The following SOS2 variants were observed in gnomAD, a reference collection of about 807,000 sequenced individuals.
SOS2 encodes the protein SOS Ras/Rho guanine nucleotide exchange factor 2.
In SOS2, 65 loss-of-function variants were observed where a neutral mutation model predicts 148.2. That is an observed-to-expected ratio of 0.44 (90% CI 0.36 to 0.54). The LOEUF (loss-of-function observed/expected upper bound fraction) is 0.54, where lower values mean the gene tolerates loss of function less well. Among genes scored for constraint, SOS2 ranks in the 20% least tolerant of loss-of-function variants. SOS2 has a pLI of 0.00. For missense variants in SOS2, 1,341 were observed against 1,590.2 expected (o/e 0.84, Z 2.67); for synonymous variants, 539 against 537.1 (o/e 1.00, Z -0.05).
chr14:50,165,456 C>A, intron 8 of SOS2, among the ~76,000 whole-genome samples: 1 of 152,110 alleles, frequency 6.6e-6, no homozygotes, highest in Middle Eastern at 3.2e-3. Flanking sequence ...ATACCCAAAA[C>A]CATTATGTAT....
intron 1 of SOS2, among the ~76,000 whole-genome samples, chr14:50,209,783 C>T (rs1886807020): frequency 6.6e-6 from 1 of 151,544 alleles, no homozygotes; most frequent in Admixed American, 6.6e-5. Flanking sequence ...ATAGCATTTA[C>T]AGTAGAATTT....
Position 50,145,260 on chromosome 14 carries a change from A to G in SOS2, c.2577T>C (p.Val859=). ...CATTGAAATTATTCAAATCTTGAAA[A>G]ACTTGCAGAATTTCTATAATTCTAC... ...VLSRIIEILQ[V]FQDLNNFNGV... The change falls in exon 16 of 23, where the codon GTT becomes GTC. Residue 859 remains valine, a synonymous_variant. Coordinates refer to ENST00000216373, the MANE Select transcript of SOS2 (RefSeq NM_006939.4). 2.5e-6 allele frequency: 4 copies of G among 1,612,666 alleles called. No homozygotes were observed. Among genetic ancestry groups the G allele is most frequent in the Non-Finnish European group, 3.4e-6 (4 of 1,179,288 alleles).
chr14:50,144,674 G>T (rs1051457714), intron 16 of SOS2, among the ~76,000 whole-genome samples: 1 of 152,094 alleles, frequency 6.6e-6, no homozygotes, highest in Non-Finnish European at 1.5e-5. Context: ...CTGAGCTCAG[G>T]TGATCGACCC....
At chr14:50,127,242 A>G (rs987421720) in intron 21 of SOS2, among the ~76,000 whole-genome samples, 3 of 151,250 alleles carry the variant, frequency 2.0e-5, no homozygotes. Flanking sequence ...CCCGGGTTCA[A>G]GCAATTCTCC....
intron 7 of SOS2, among the ~76,000 whole-genome samples, chr14:50,179,785 T>TA (rs1291203489): frequency 1.3e-5 from 2 of 152,196 alleles, no homozygotes; most frequent in Non-Finnish European, 2.9e-5. Context: ...TCTCTCCACT[T>TA]ATTTTCATTT....
intron 4 of SOS2, among the ~76,000 whole-genome samples, chr14:50,191,698 T>TTA (rs1186622784): frequency 6.6e-6 from 1 of 152,076 alleles, no homozygotes; most frequent in African/African-American, 2.4e-5. Context: ...ACAGTGGGGA[T>TTA]TATGGTAAAC....
chr14:50,174,517 A>G lies in SOS2; in HGVS notation c.1005T>C (p.Tyr335=), dbSNP rs753698896. The change falls in exon 8 of 23, where the codon TAT becomes TAC. Residue 335 remains tyrosine, a synonymous_variant. Transcript: ENST00000216373. ...IADGFKEAVR[Y]VLPRLMLVPV... ...GCACCAGCATAAGACGTGGAAGGAC[A>G]TAACGAACTGCCTCTTTAAAACCAT... The G allele has an allele frequency of 2.0e-5, 33 of 1,609,978 alleles. No individual in the cohort carries two copies. Among genetic ancestry groups the G allele is most frequent in the Admixed American group, 5.0e-5 (3 of 59,912 alleles).
chr14:50,174,233 G>A (rs1307891622), intron 8 of SOS2, among the ~76,000 whole-genome samples: 1 of 151,910 alleles, frequency 6.6e-6, no homozygotes, highest in Non-Finnish European at 1.5e-5. Flanking sequence ...AGCTAAGAGA[G>A]GAAGAATACA....
intron 13 of SOS2, among the ~76,000 whole-genome samples, chr14:50,151,824 A>C (rs1269073566): frequency 1.3e-5 from 2 of 152,116 alleles, no homozygotes; most frequent in Non-Finnish European, 2.9e-5. Flanking sequence ...TGGGCTTAAA[A>C]GTGATCGCTT....
At chr14:50,202,806 G>A (rs1886536620) in intron 2 of SOS2, among the ~76,000 whole-genome samples, 1 of 151,838 alleles carries the variant, frequency 6.6e-6, no homozygotes. Flanking sequence ...TTAATTCCAA[G>A]AATCCTGGAA....
At chr14:50,192,313 T>A (rs1358807216) in intron 4 of SOS2, among the ~76,000 whole-genome samples, 1 of 152,018 alleles carries the variant, frequency 6.6e-6, no homozygotes, top group African/African-American at 2.4e-5. Flanking sequence ...CCCAGAACTT[T>A]AGAGGCCAAG....
At chr14:50,159,202 T>A (rs1039159335) in intron 10 of SOS2, among the ~76,000 whole-genome samples, 11 of 151,646 alleles carry the variant, frequency 7.3e-5, no homozygotes, top group Admixed American at 3.3e-4. Context: ...AAAAAAAAAA[T>A]TCATGAATAT....
chr14:50,118,918 T>A, intron 22 of SOS2, 65 bp from the exon 23 acceptor site: 1 of 1,002,824 alleles, frequency 1.0e-6, no homozygotes, highest in Non-Finnish European at 1.4e-6. Flanking sequence ...AATTTTTAAG[T>A]CTGAAAAATT....
intron 1 of SOS2, among the ~76,000 whole-genome samples, chr14:50,221,318 A>G (rs1887196297): frequency 6.6e-6 from 1 of 152,222 alleles, no homozygotes; most frequent in Non-Finnish European, 1.5e-5. Flanking sequence ...ATAAATTCCC[A>G]GGCCAAACAC....
At chr14:50,162,845 T>G (rs1038149063) in intron 8 of SOS2, among the ~76,000 whole-genome samples, 1 of 152,046 alleles carries the variant, frequency 6.6e-6, no homozygotes, top group African/African-American at 2.4e-5. Flanking sequence ...AGAAAGCAAA[T>G]TTACTTATAA....
intron 4 of SOS2, among the ~76,000 whole-genome samples, chr14:50,199,244 A>G (rs1050569994): frequency 5.3e-5 from 8 of 152,210 alleles, no homozygotes; most frequent in African/African-American, 1.9e-4. Flanking sequence ...TACAGCCAGG[A>G]AAGAAGACAG....
At chr14:50,121,561 A>C (rs1474571721) in intron 21 of SOS2, among the ~76,000 whole-genome samples, 2 of 148,082 alleles carry the variant, frequency 1.4e-5, no homozygotes, top group African/African-American at 2.5e-5. Context: ...CTCAGGGGGA[A>C]ATAGCTGATA....
chr14:50,134,182 A>G lies in SOS2; in HGVS notation c.3016T>C (p.Tyr1006His). The G allele has an allele frequency of 6.2e-7, 1 of 1,610,392 alleles. No individual in the cohort carries two copies. Among genetic ancestry groups the G allele is most frequent in the Non-Finnish European group, 8.5e-7 (1 of 1,177,168 alleles). ...ATTTCTAGTGACTTGTTGAACAAAT[A>G]ATCTGTAAACTCTTTTTCAGATGCA... Reference protein sequence around the residue: ...GSASEKEFTDYLFNKSLEIEP... With the variant: ...GSASEKEFTDHLFNKSLEIEP... The change falls in exon 19 of 23, where the codon TAT becomes CAT. Residue 1006 changes from tyrosine to histidine, a missense_variant. Coordinates refer to ENST00000216373, the MANE Select transcript of SOS2 (RefSeq NM_006939.4).
At chr14:50,209,343 C>G (rs1306815848) in intron 1 of SOS2, among the ~76,000 whole-genome samples, 1 of 131,350 alleles carries the variant, frequency 7.6e-6, no homozygotes, top group African/African-American at 2.6e-5. Context: ...TTCTGCTTCT[C>G]TGAAGAATCC....
Sources: gnomAD v4.1 joint callset for allele counts (sites outside exome capture counted in the v4.1 genomes callset) on GRCh38, gnomAD v4.1.1 for gene constraint, MANE v1.5 for transcripts, NCBI Gene and HGNC (gene_info 2026-07-23, HGNC 2026-07-21) for gene names.